The following SYT16 variants were observed in gnomAD, a reference collection of about 807,000 sequenced individuals.
SYT16 encodes the protein synaptotagmin-16.
SYT16 carries 42 observed loss-of-function variants against 61.4 expected under a neutral mutation model. The observed-to-expected ratio is 0.68, with a 90% CI of 0.53 to 0.89. SYT16 has a LOEUF of 0.89. Ranked by LOEUF, SYT16 falls within the 40% of genes least tolerant of loss-of-function variation. SYT16 has a pLI of 0.00. For synonymous variants in SYT16, 314 were observed against 302.3 expected (o/e 1.04, Z -0.40); for missense variants, 804 against 807.3 (o/e 1.00, Z 0.05).
intron 1 of SYT16, among the ~76,000 whole-genome samples, chr14:61,915,501 T>A (rs1002059359): frequency 6.6e-6 from 1 of 152,196 alleles, no homozygotes; most frequent in African/African-American, 2.4e-5. Context: ...AGGACAACTT[T>A]TTTTTTAGAG....
At chr14:61,926,582 A>G (rs994300778) in intron 1 of SYT16, among the ~76,000 whole-genome samples, 2 of 152,198 alleles carry the variant, frequency 1.3e-5, no homozygotes, top group Admixed American at 1.3e-4. Context: ...GACTCTTTAA[A>G]GAGCTATAAT....
intron 1 of SYT16, among the ~76,000 whole-genome samples, chr14:61,906,305 C>G (rs149618913): frequency 6.6e-6 from 1 of 152,218 alleles, no homozygotes; most frequent in Non-Finnish European, 1.5e-5. Flanking sequence ...TTTTTAGTAG[C>G]ACAGTCTTTC....
intron 1 of SYT16, among the ~76,000 whole-genome samples, chr14:61,827,475 T>G (rs2045808049): frequency 6.6e-6 from 1 of 152,140 alleles, no homozygotes. Flanking sequence ...GGTTTTTACC[T>G]TAAAAAAATA....
At chr14:62,033,077 C>A (rs1198922181) in intron 3 of SYT16, among the ~76,000 whole-genome samples, 1 of 151,240 alleles carries the variant, frequency 6.6e-6, no homozygotes, top group Non-Finnish European at 1.5e-5. Flanking sequence ...AAAAATATTT[C>A]TCGGTAAATA....
At chr14:61,839,401 G>A (rs1594735361) in intron 1 of SYT16, among the ~76,000 whole-genome samples, 1 of 152,118 alleles carries the variant, frequency 6.6e-6, no homozygotes, top group East Asian at 1.9e-4. Context: ...TCCATTCTTC[G>A]TAAACTACCC....
chr14:61,918,973 A>G (rs1425098811), intron 1 of SYT16, among the ~76,000 whole-genome samples: 1 of 152,170 alleles, frequency 6.6e-6, no homozygotes, highest in Non-Finnish European at 1.5e-5. Context: ...ACTAAACCCA[A>G]CATATGGGGA....
chr14:61,885,493 T>G (rs2047865176), intron 1 of SYT16, among the ~76,000 whole-genome samples: 1 of 152,230 alleles, frequency 6.6e-6, no homozygotes, highest in Non-Finnish European at 1.5e-5. Context: ...AGCATTAACA[T>G]TTGTGGGTGG....
intron 5 of SYT16, 27 bp downstream of exon 5, chr14:62,075,418 A>C: frequency 6.4e-7 from 1 of 1,573,260 alleles, no homozygotes; most frequent in Admixed American, 1.7e-5. Context: ...TCATTCTTTC[A>C]TTGGTTCCCT....
intron 1 of SYT16, among the ~76,000 whole-genome samples, chr14:61,910,429 G>A (rs2048886986): frequency 6.6e-6 from 1 of 151,846 alleles, no homozygotes; most frequent in Admixed American, 6.6e-5. Flanking sequence ...AGTAGAGATG[G>A]GGTTTTACCA....
At chr14:62,002,859 G>T (rs768144654) in intron 3 of SYT16, among the ~76,000 whole-genome samples, 5 of 152,126 alleles carry the variant, frequency 3.3e-5, no homozygotes, top group Non-Finnish European at 7.4e-5. Context: ...GGGCTGGAGA[G>T]GCCTCAGGAA....
At chr14:61,914,430 C>T (rs2049043318) in intron 1 of SYT16, among the ~76,000 whole-genome samples, 2 of 152,166 alleles carry the variant, frequency 1.3e-5, no homozygotes, top group African/African-American at 4.8e-5. Flanking sequence ...TTTTTATCTC[C>T]AGTGTTGACC....
At chr14:61,951,175 T>C (rs562460560) in intron 1 of SYT16, among the ~76,000 whole-genome samples, 1 of 152,326 alleles carries the variant, frequency 6.6e-6, no homozygotes, top group Admixed American at 6.5e-5. Flanking sequence ...GGTGAACTTA[T>C]ATCTGTGGAC....
At chr14:61,965,338 A>C (rs1161942098) in intron 1 of SYT16, among the ~76,000 whole-genome samples, 1 of 152,164 alleles carries the variant, frequency 6.6e-6, no homozygotes, top group Non-Finnish European at 1.5e-5. Flanking sequence ...TCCTTCATGC[A>C]CTTCTTTAGA....
intron 3 of SYT16, among the ~76,000 whole-genome samples, chr14:62,059,692 G>GTA (rs531843934): frequency 6.2e-5 from 9 of 145,204 alleles, no homozygotes; most frequent in Admixed American, 1.4e-4. Flanking sequence ...TTATATATAT[G>GTA]TATATATATA....
intron 5 of SYT16, chr14:62,079,271 A>G: frequency 1.3e-6 from 1 of 797,434 alleles, no homozygotes; most frequent in Non-Finnish European, 1.6e-6. Flanking sequence ...CTCACGCATG[A>G]TTGCATGCTC....
intron 7 of SYT16, among the ~76,000 whole-genome samples, chr14:62,085,365 G>A (rs1381045241): frequency 6.6e-6 from 1 of 152,210 alleles, no homozygotes; most frequent in African/African-American, 2.4e-5. Context: ...GTCTGAAAAT[G>A]TTGTTGAATT....
chr14:62,108,920 C>G lies in SYT16; in HGVS notation c.*8213C>G, dbSNP rs2057557187. 6.6e-6 allele frequency: 1 copy of G among 151,968 alleles called. No homozygotes were observed. 9.4% of individuals were successfully genotyped at this position (151,968 alleles called of 1,614,324 possible). ...GTTTTAGGTTCACAGCAAAATTGAT[C>G]CTAAAATATAGAGTTCTCATATACT... On this transcript the variant is annotated 3_prime_UTR_variant, in exon 8 of 8. Coordinates refer to ENST00000683842, the MANE Select transcript of SYT16 (RefSeq NM_001367656.1).
chr14:61,835,292 T>C (rs1199909704), intron 1 of SYT16, among the ~76,000 whole-genome samples: 1 of 136,574 alleles, frequency 7.3e-6, no homozygotes, highest in Non-Finnish European at 1.5e-5. Flanking sequence ...GAGTCTCACA[T>C]TGTCGCCCGG....
intron 3 of SYT16, among the ~76,000 whole-genome samples, chr14:62,023,467 T>A (rs959552434): frequency 2.0e-5 from 3 of 152,156 alleles, no homozygotes; most frequent in Admixed American, 6.5e-5. Flanking sequence ...GGGGGAAATT[T>A]TTACTCATAT....
Sources: allele counts gnomAD v4.1 joint callset (sites outside exome capture counted in the v4.1 genomes callset), GRCh38; gene constraint gnomAD v4.1.1; transcripts MANE v1.5; gene names NCBI Gene and HGNC (gene_info 2026-07-23, HGNC 2026-07-21).